HCRTR2: variants seen among roughly 807,000 people sequenced by gnomAD.
HCRTR2 encodes the protein hypocretin receptor 2.
Under a neutral mutation model 49.0 loss-of-function variants are expected in HCRTR2, and 22 were observed. The observed-to-expected ratio is 0.45, with a 90% CI of 0.32 to 0.64. The LOEUF (loss-of-function observed/expected upper bound fraction) is 0.64. Among genes scored for constraint, HCRTR2 ranks in the 30% least tolerant of loss-of-function variants. HCRTR2 has a pLI of 0.04. For synonymous variants in HCRTR2, 236 were observed against 205.3 expected, an observed-to-expected ratio of 1.15 and a Z score of -1.28; for missense variants, 491 against 559.4, an observed-to-expected ratio of 0.88 and a Z score of 1.23.
chr6:55,129,357 C>T (rs1181090771), intron 1 of HCRTR2, among the ~76,000 whole-genome samples: 1 of 152,056 alleles, frequency 6.6e-6, no homozygotes, highest in Non-Finnish European at 1.5e-5. Context: ...AAGGTAAGGG[C>T]TTAAGCCTTA....
At chr6:55,204,794 C>CTTT in intron 1 of HCRTR2, among the ~76,000 whole-genome samples, 2 of 152,176 alleles carry the variant, frequency 1.3e-5, no homozygotes, top group Admixed American at 1.3e-4. Context: ...CTCCCCTCCC[C>CTTT]TTCCCTTTGG....
At chr6:55,249,095 T>A (rs60348181) in intron 2 of HCRTR2, among the ~76,000 whole-genome samples, 6,187 of 152,122 alleles carry the variant, frequency 0.041, 429 homozygotes, top group African/African-American at 0.14. Flanking sequence ...TTGCACAAAC[T>A]TTTTTTATTC....
At chr6:55,200,925 T>C (rs1360643718) in intron 1 of HCRTR2, among the ~76,000 whole-genome samples, 15 of 152,304 alleles carry the variant, frequency 9.8e-5, no homozygotes, top group Admixed American at 9.8e-4. Flanking sequence ...TTGATTTTGA[T>C]ATACGTACTG....
rs1465757047 is a variant in HCRTR2, at chr6:55,263,701, T to G, written c.647-6T>G. On this transcript the variant is annotated splice_polypyrimidine_tract_variant and splice_region_variant and intron_variant, in intron 3 of 6. Transcript: ENST00000370862. ...TAAGGTTTTGTTGTTTTGACTTTCA[T>G]CCTAGGTGAAATTTATCCCAAGATG... The G allele has an allele frequency of 6.6e-7, 1 of 1,525,518 alleles. No individual in the cohort carries two copies. Among genetic ancestry groups the G allele is most frequent in the Non-Finnish European group, 9.1e-7 (1 of 1,100,660 alleles). 94.5% of individuals were successfully genotyped at this position (1,525,518 alleles called of 1,614,324 possible).
chr6:55,175,263 G>A (rs1480927035), intron 1 of HCRTR2, among the ~76,000 whole-genome samples: 1 of 152,156 alleles, frequency 6.6e-6, no homozygotes, highest in Non-Finnish European at 1.5e-5. Flanking sequence ...CTGTGGCTGT[G>A]GAAGTCACAA....
At chr6:55,271,492 G>A (rs2653346) in intron 4 of HCRTR2, among the ~76,000 whole-genome samples, 19,609 of 151,912 alleles carry the variant, frequency 0.13, 2,488 homozygotes, top group East Asian at 0.49. Context: ...TTCTAAATAT[G>A]ACACCAAAAC....
intron 1 of HCRTR2, among the ~76,000 whole-genome samples, chr6:55,211,220 G>A (rs554468343): frequency 1.3e-5 from 2 of 152,086 alleles, no homozygotes; most frequent in Non-Finnish European, 2.9e-5. Flanking sequence ...ATATATCCCA[G>A]TCATTAAGCA....
Position 55,277,466 on chromosome 6 carries a change from G to A in HCRTR2, c.849G>A (p.Lys283=), listed in dbSNP as rs1339084792. The change falls in exon 5 of 7, where the codon AAG becomes AAA. Residue 283 remains lysine (K), a synonymous_variant. Coordinates refer to ENST00000370862, the MANE Select transcript of HCRTR2 (RefSeq NM_001384272.1). The stretch of plus-strand genomic sequence containing the variant: ...CTCGAGGGCCAGGACAGCCAACGAA[G>A]TCCCGGATGAGCGCTGTGGCGGCTG... The part of the protein sequence containing the change: ...SQPRGPGQPT[K]SRMSAVAAEI... 5.6e-6 allele frequency: 9 copies of A among 1,614,026 alleles called. No homozygotes were observed. Among genetic ancestry groups the A allele is most frequent in the East Asian group, 2.2e-5 (1 of 44,874 alleles).
At chr6:55,106,740 T>C (rs1418757983) in intron 1 of HCRTR2, among the ~76,000 whole-genome samples, 1 of 152,102 alleles carries the variant, frequency 6.6e-6, no homozygotes, top group Non-Finnish European at 1.5e-5. Context: ...GATTCCGTTT[T>C]CTCAGACATC....
chr6:55,254,454 A>C (rs1007148856), intron 2 of HCRTR2, among the ~76,000 whole-genome samples: 1 of 152,236 alleles, frequency 6.6e-6, no homozygotes, highest in South Asian at 2.1e-4. Flanking sequence ...ATTATATACA[A>C]ATTTTGACTG....
At chr6:55,252,508 A>G (rs565148320) in intron 2 of HCRTR2, among the ~76,000 whole-genome samples, 3 of 152,234 alleles carry the variant, frequency 2.0e-5, no homozygotes, top group Admixed American at 1.3e-4. Context: ...GTGCGAATCT[A>G]TACAACCATA....
rs779284841 is a variant in HCRTR2 at position 55,227,425 on chromosome 6, G to A, written c.224-21214G>A. ...ATTCTATTTCTTTTCCCTATCCCTC[G>A]AATGGGTGTATGTGTGTGTGTGTGT... On this transcript the variant is annotated intron_variant, in intron 1 of 6. Transcript: ENST00000370862. Among the ~76,000 whole-genome samples the A allele has an allele frequency of 3.9e-5, 6 of 152,046 alleles. 1 individual carries two copies. The highest frequency in any genetic ancestry group is 9.7e-5 in the African/African-American group (4 of 41,362).
chr6:55,118,745 T>C (rs1482486293), intron 1 of HCRTR2, among the ~76,000 whole-genome samples: 1 of 151,404 alleles, frequency 6.6e-6, no homozygotes, highest in East Asian at 1.9e-4. Context: ...TTTAATGGGG[T>C]TATTTGTTTA....
chr6:55,246,043 A>G (rs1448002744), intron 1 of HCRTR2, among the ~76,000 whole-genome samples: 3 of 152,052 alleles, frequency 2.0e-5, no homozygotes, highest in Non-Finnish European at 2.9e-5. Flanking sequence ...TCATGCACTG[A>G]CAAAGGCAGA....
At chr6:55,245,197 A>T (rs1380662944) in intron 1 of HCRTR2, among the ~76,000 whole-genome samples, 1 of 151,842 alleles carries the variant, frequency 6.6e-6, no homozygotes, top group South Asian at 2.1e-4. Context: ...TGTGAAAACC[A>T]CACTTAAGAT....
chr6:55,170,081 T>C (rs555703337), upstream of HCRTR2, among the ~76,000 whole-genome samples: 1 of 152,110 alleles, frequency 6.6e-6, no homozygotes, highest in African/African-American at 2.4e-5. Flanking sequence ...AGATTTATTT[T>C]TCCGTCTCAT....
Position 55,155,208 on chromosome 6 carries a change from A to G in HCRTR2, c.-377-19003A>G, listed in dbSNP as rs145457920. Among the ~76,000 whole-genome samples the G allele has an allele frequency of 1.0e-3, 158 of 151,670 alleles. 1 individual carries two copies. Among genetic ancestry groups the G allele is most frequent in the African/African-American group, 3.8e-3 (157 of 41,478 alleles). On this transcript the variant is annotated intron_variant, in intron 1 of 7. Coordinates refer to the HCRTR2 transcript ENST00000615358. ...AAAATACCAATATTTTTTTTTTTAC[A>G]GAAATGAAAACACAATCTTAACACT...
At position 55,252,145 on chromosome 6, in the gene HCRTR2, G is replaced by T. The variant is rs193214121; in HGVS notation, c.403-2991G>T. The stretch of plus-strand genomic sequence containing the variant: ...ATAGTAGGTCAAACAATGAATATTA[G>T]CTCACTGATTGTCAAGGGTTCATTC... On this transcript the variant is annotated intron_variant, in intron 2 of 6. Coordinates refer to ENST00000370862, the MANE Select transcript of HCRTR2 (RefSeq NM_001384272.1). 6.2e-3 allele frequency among the ~76,000 whole-genome samples: 944 copies of T among 152,148 alleles called. 10 individuals are homozygous for T. The highest frequency in any genetic ancestry group is 0.022 in the African/African-American group (899 of 41,528).
Position 55,140,185 on chromosome 6 carries a change from A to T in HCRTR2, c.-378+33640A>T, listed in dbSNP as rs976572373. Among the ~76,000 whole-genome samples the T allele has an allele frequency of 5.3e-5, 8 of 152,222 alleles. No homozygotes were observed. The South Asian group carries it at 1.7e-3, about 32-fold the overall frequency. ...CCTTTTTTTAGTGAATGGAAAACCA[A>T]CCAGATATCTCCCACAATCTCCCTG... On this transcript the variant is annotated intron_variant, in intron 1 of 7. Transcript: ENST00000615358.
Sources: allele counts gnomAD v4.1 joint callset (sites outside exome capture counted in the v4.1 genomes callset), GRCh38; gene constraint gnomAD v4.1.1; transcripts MANE v1.5; gene names NCBI Gene and HGNC (gene_info 2026-07-23, HGNC 2026-07-21).